TEX11: variants seen among roughly 807,000 people sequenced by gnomAD.
TEX11 encodes the protein testis-expressed protein 11.
TEX11 carries 7 observed loss-of-function variants against 84.4 expected under a neutral mutation model. The ratio of observed to expected loss-of-function variants is 0.08; its 90% confidence interval spans 0.05 to 0.16. The LOEUF (loss-of-function observed/expected upper bound fraction) is 0.16. TEX11 is among the 10% of genes least tolerant of loss of function. TEX11 has a pLI of 1.00. For missense variants in TEX11, 551 were observed against 660.5 expected (o/e 0.83, Z 1.82); for synonymous variants, 264 against 222.8 (o/e 1.18, Z -1.64).
At position 70,589,624 on chromosome X, in the gene TEX11, G is replaced by A. The variant is rs1407777372; in HGVS notation, c.2140+2127C>T. On this transcript the variant is annotated intron_variant, in intron 25 of 29. Coordinates refer to ENST00000374333, the MANE Select transcript of TEX11 (RefSeq NM_031276.3). Reference sequence around the variant, plus strand: ...TGCAAACTCCGCCTGCGGGGTTCAAGCGATTCTCGTGTCTCAGGCTCCCAA... The same window carrying A: ...TGCAAACTCCGCCTGCGGGGTTCAAACGATTCTCGTGTCTCAGGCTCCCAA... Among the ~76,000 whole-genome samples the A allele has an allele frequency of 3.6e-5, 4 of 111,555 alleles. No homozygotes were observed. In the East Asian group the frequency reaches 1.1e-3, roughly 31 times the overall value.
intron 9 of TEX11, 51 bp downstream of exon 9, chrX:70,806,654 A>G (rs1233920013): frequency 1.2e-6 from 1 of 863,350 alleles, no homozygotes; most frequent in South Asian, 2.2e-5. Flanking sequence ...ATATTAACTG[A>G]CATCTATGAT....
At chrX:70,817,855 T>C (rs1277900776) in intron 8 of TEX11, among the ~76,000 whole-genome samples, 3 of 111,927 alleles carry the variant, frequency 2.7e-5, no homozygotes, top group Non-Finnish European at 5.6e-5. Context: ...AATATTTTAT[T>C]GTGCCCGAAA....
At chrX:70,595,380 C>T (rs1474474784) in intron 24 of TEX11, among the ~76,000 whole-genome samples, 4 of 111,555 alleles carry the variant, frequency 3.6e-5, no homozygotes, top group Non-Finnish European at 5.6e-5. Context: ...CTACCACACC[C>T]GGCTTCTTCT....
At chrX:70,527,498 G>A (rs1266680108), downstream of TEX11, among the ~76,000 whole-genome samples, 1 of 111,987 alleles carries the variant, frequency 8.9e-6, no homozygotes. Context: ...CTTCAAAAAT[G>A]TCAAGGTCAT....
intron 12 of TEX11, among the ~76,000 whole-genome samples, chrX:70,722,948 A>G (rs1379106641): frequency 2.7e-5 from 3 of 112,011 alleles, no homozygotes; most frequent in Admixed American, 9.6e-5. Context: ...TGGCAATACT[A>G]TACGCTAAGA....
chrX:70,749,029 G>A (rs1401983473), intron 9 of TEX11, among the ~76,000 whole-genome samples: 5 of 101,735 alleles, frequency 4.9e-5, no homozygotes, highest in Non-Finnish European at 7.7e-5. Context: ...CCATTTTCAC[G>A]ATATCGATTC....
chrX:70,885,147 C>T (rs1176205515), intron 2 of TEX11, among the ~76,000 whole-genome samples: 1 of 109,619 alleles, frequency 9.1e-6, no homozygotes, highest in African/African-American at 3.3e-5. Context: ...GTGGTAGAGG[C>T]CCCCAGAATC....
Position 70,745,964 on chromosome X carries a change from C to T in TEX11, c.693-1745G>A, listed in dbSNP as rs182764902. On this transcript the variant is annotated intron_variant, in intron 9 of 29. Transcript: ENST00000374333. ...GGAGCTCTTTAGACACTCTCCCCAG[C>T]GAAACAACCACTCATCTGGAAAATT... 5.5e-3 allele frequency among the ~76,000 whole-genome samples: 616 copies of T among 111,267 alleles called. 2 individuals are homozygous for T. The highest frequency in any genetic ancestry group is 0.018 in the African/African-American group (562 of 30,646).
At chrX:70,577,272 G>GA (rs1031558303) in intron 25 of TEX11, among the ~76,000 whole-genome samples, 23 of 106,364 alleles carry the variant, frequency 2.2e-4, no homozygotes, top group Middle Eastern at 4.8e-3. Context: ...GGAAGAAACA[G>GA]AAAAAAAAAA....
At position 70,837,287 on chromosome X, in the gene TEX11, G is replaced by A. The variant is rs776780285; in HGVS notation, c.526-3694C>T. 1.2e-3 allele frequency among the ~76,000 whole-genome samples: 134 copies of A among 111,078 alleles called. 1 individual carries two copies. The highest frequency in any genetic ancestry group is 1.8e-3 in the Admixed American group (19 of 10,376). On this transcript the variant is annotated intron_variant, in intron 7 of 29. Coordinates refer to ENST00000374333, the MANE Select transcript of TEX11 (RefSeq NM_031276.3). ...ATAAAAAGAGAACAGGGCTTGGCAC[G>A]TTGACTCATGCCTGTAATCCCAGCA...
chrX:70,661,755 C>T (rs1230923068), intron 16 of TEX11, among the ~76,000 whole-genome samples: 1 of 111,656 alleles, frequency 9.0e-6, no homozygotes, highest in African/African-American at 3.3e-5. Flanking sequence ...CCCAGGCAAA[C>T]AGGGTCTGGA....
At chrX:70,719,819 G>C (rs994772450) in intron 13 of TEX11, among the ~76,000 whole-genome samples, 1 of 111,562 alleles carries the variant, frequency 9.0e-6, no homozygotes, top group Non-Finnish European at 1.9e-5. Flanking sequence ...ACCACAATGA[G>C]ATACCATCTC....
the TEX11 span, among the ~76,000 whole-genome samples, chrX:70,511,572 G>A: frequency 9.4e-6 from 1 of 106,503 alleles, no homozygotes; most frequent in Non-Finnish European, 1.9e-5. Context: ...GGCCAACATA[G>A]TGAAACCACA....
chrX:70,826,983 A>G (rs2091350489), intron 8 of TEX11, among the ~76,000 whole-genome samples: 1 of 111,243 alleles, frequency 9.0e-6, no homozygotes, highest in African/African-American at 3.3e-5. Context: ...CAGGCAATAA[A>G]GCTCGTAGCA....
At chrX:70,593,760 A>G (rs1022818400) in intron 24 of TEX11, among the ~76,000 whole-genome samples, 4 of 111,632 alleles carry the variant, frequency 3.6e-5, no homozygotes, top group Non-Finnish European at 5.6e-5. Context: ...ACTAGAGGGT[A>G]TCAACATTAG....
chrX:70,877,129 A>T (rs2147870953), intron 3 of TEX11, among the ~76,000 whole-genome samples: 1 of 110,180 alleles, frequency 9.1e-6, no homozygotes, highest in East Asian at 2.8e-4. Context: ...ACACATCTCT[A>T]CTAAAAACAC....
chrX:70,883,454 C>T (rs1240395175), intron 2 of TEX11, among the ~76,000 whole-genome samples: 1 of 111,092 alleles, frequency 9.0e-6, no homozygotes, highest in Non-Finnish European at 1.9e-5. Context: ...GGCATGGTAG[C>T]CCACACCTGT....
chrX:70,777,823 C>G (rs1486033401), intron 9 of TEX11, among the ~76,000 whole-genome samples: 1 of 110,823 alleles, frequency 9.0e-6, no homozygotes, highest in African/African-American at 3.3e-5. Context: ...AGGAAGACAG[C>G]AAGAAGGGAA....
intron 4 of TEX11, among the ~76,000 whole-genome samples, chrX:70,865,794 G>A (rs750456173): frequency 9.0e-6 from 1 of 111,605 alleles, no homozygotes; most frequent in Non-Finnish European, 1.9e-5. Flanking sequence ...ATGACTACTG[G>A]GTAAATAACG....
Sources: gnomAD v4.1 joint callset for allele counts (sites outside exome capture counted in the v4.1 genomes callset) on GRCh38, gnomAD v4.1.1 for gene constraint, MANE v1.5 for transcripts, NCBI Gene and HGNC (gene_info 2026-07-23, HGNC 2026-07-21) for gene names.